DPP10: variants seen among roughly 807,000 people sequenced by gnomAD.
DPP10 encodes inactive dipeptidyl peptidase 10.
DPP10 carries 33 observed loss-of-function variants against 120.9 expected under a neutral mutation model. The ratio of observed to expected loss-of-function variants is 0.27; its 90% CI spans 0.21 to 0.37. The LOEUF is 0.37. Ranked by LOEUF, DPP10 falls within the 10% of genes least tolerant of loss-of-function variation. DPP10 has a pLI of 1.00. For missense variants in DPP10, 816 were observed against 942.8 expected, an observed-to-expected ratio of 0.87 and a Z score of 1.76; for synonymous variants, 337 against 326.1, an observed-to-expected ratio of 1.03 and a Z score of -0.36.
chr2:115,023,128 A>G (rs917335855), intron 1 of DPP10, among the ~76,000 whole-genome samples: 1 of 152,186 alleles, frequency 6.6e-6, no homozygotes, highest in Non-Finnish European at 1.5e-5. Context: ...AGCAAATACA[A>G]CAAAAACAAA....
chr2:115,351,764 T>C (rs922467218), intron 3 of DPP10, among the ~76,000 whole-genome samples: 1 of 152,200 alleles, frequency 6.6e-6, no homozygotes, highest in Admixed American at 6.6e-5. Context: ...CCATGAAGCA[T>C]ATTTACTTCT....
At chr2:115,778,351 G>A (rs1211318358) in intron 15 of DPP10, among the ~76,000 whole-genome samples, 1 of 152,000 alleles carries the variant, frequency 6.6e-6, no homozygotes, top group African/African-American at 2.4e-5. Context: ...AATAAGGAAC[G>A]CTCATTGCTT....
At chr2:114,460,900 ATTGT>A (rs1413361637) in intron 1 of DPP10, among the ~76,000 whole-genome samples, 1 of 152,170 alleles carries the variant, frequency 6.6e-6, no homozygotes, top group Non-Finnish European at 1.5e-5. Flanking sequence ...TTGTGATATA[ATTGT>A]TTGTAGATGA....
intron 1 of DPP10, among the ~76,000 whole-genome samples, chr2:115,186,010 C>T (rs1306146437): frequency 1.3e-5 from 2 of 152,200 alleles, no homozygotes; most frequent in African/African-American, 2.4e-5. Flanking sequence ...TAAATACACC[C>T]CACATTGTTG....
At chr2:115,689,596 C>T (rs139562231) in intron 5 of DPP10, 91 bp from the exon 6 acceptor site, 1 of 876,282 alleles carries the variant, frequency 1.1e-6, no homozygotes. Flanking sequence ...AACACCAATT[C>T]TTGGATTACC....
chr2:114,590,586 T>C (rs745625572), intron 1 of DPP10, among the ~76,000 whole-genome samples: 17 of 152,234 alleles, frequency 1.1e-4, no homozygotes, highest in Non-Finnish European at 2.1e-4. Flanking sequence ...TTCTGCTTTG[T>C]AATGTTTGTC....
At chr2:114,687,441 T>A (rs76567596) in intron 1 of DPP10, among the ~76,000 whole-genome samples, 2,350 of 152,090 alleles carry the variant, frequency 0.015, 53 homozygotes, top group African/African-American at 0.052. Context: ...CTAATTTGGA[T>A]GTTTTTATGT....
chr2:115,820,799 A>ATGTG (rs869085100), intron 21 of DPP10, among the ~76,000 whole-genome samples: 15,654 of 105,010 alleles, frequency 0.15, 952 homozygotes, highest in Non-Finnish European at 0.18. Context: ...TCCATGGTGT[A>ATGTG]TGTGTGTGTG....
chr2:115,240,433 C>T (rs2058219884), intron 1 of DPP10, among the ~76,000 whole-genome samples: 1 of 152,080 alleles, frequency 6.6e-6, no homozygotes, highest in Non-Finnish European at 1.5e-5. Context: ...ATCCTTTGAC[C>T]ACTTTTTGAT....
At chr2:114,952,694 A>G (rs1697884606) in intron 1 of DPP10, among the ~76,000 whole-genome samples, 1 of 152,224 alleles carries the variant, frequency 6.6e-6, no homozygotes, top group South Asian at 2.1e-4. Context: ...TGTGAATACA[A>G]CATGTGTTGG....
chr2:115,142,145 A>T (rs1363415386), intron 1 of DPP10, among the ~76,000 whole-genome samples: 2 of 152,146 alleles, frequency 1.3e-5, no homozygotes, highest in African/African-American at 4.8e-5. Flanking sequence ...TATTTTATAT[A>T]TATAGACAGC....
chr2:115,174,407 G>C (rs180880817), intron 1 of DPP10, among the ~76,000 whole-genome samples: 75 of 152,304 alleles, frequency 4.9e-4, no homozygotes, highest in Admixed American at 1.2e-3. Flanking sequence ...GATTTATATA[G>C]TCTGAAAAGG....
intron 1 of DPP10, among the ~76,000 whole-genome samples, chr2:114,460,737 T>G (rs550663912): frequency 6.6e-6 from 1 of 152,210 alleles, no homozygotes; most frequent in South Asian, 2.1e-4. Context: ...AAGAGGCATA[T>G]TTTTCAATAG....
In DPP10 at chr2:114,825,872, A is replaced by G. The variant is rs371096330; in HGVS notation, c.60+383034A>G. ...AACTGTAAGGTTGTGATCAGCTTCT[A>G]CTGGTGAGGGAGAGAGATGATTAAT... On this transcript the variant is annotated intron_variant, in intron 1 of 25. Coordinates refer to ENST00000410059, the MANE Select transcript of DPP10 (RefSeq NM_020868.6). Among the ~76,000 whole-genome samples, 118 of 152,326 alleles carry G rather than the reference A, an allele frequency of 7.7e-4. 1 individual carries two copies. In the South Asian group the frequency reaches 0.024, roughly 31 times the overall value.
chr2:115,038,301 C>T (rs1168368648), intron 1 of DPP10, among the ~76,000 whole-genome samples: 7 of 151,638 alleles, frequency 4.6e-5, no homozygotes, highest in African/African-American at 7.3e-5. Flanking sequence ...GATGGAGTCT[C>T]GCTCTGTTGC....
chr2:114,937,710 C>G (rs1280099624), intron 1 of DPP10, among the ~76,000 whole-genome samples: 1 of 152,126 alleles, frequency 6.6e-6, no homozygotes, highest in Admixed American at 6.6e-5. Context: ...TGGGCTGGTT[C>G]ACCTTTTATG....
At chr2:115,676,755 G>T (rs1272127345) in intron 5 of DPP10, among the ~76,000 whole-genome samples, 4 of 152,044 alleles carry the variant, frequency 2.6e-5, no homozygotes, top group African/African-American at 9.7e-5. Flanking sequence ...CAGAGAAGAA[G>T]AAAAACATAG....
intron 1 of DPP10, among the ~76,000 whole-genome samples, chr2:114,936,545 A>T (rs750870910): frequency 6.6e-6 from 1 of 152,086 alleles, no homozygotes; most frequent in Non-Finnish European, 1.5e-5. Context: ...TTGTGTTGCT[A>T]TAAACATGCA....
intron 5 of DPP10, among the ~76,000 whole-genome samples, chr2:115,681,785 TTTCTTTCTCTTCCTTC>T (rs1266612853): frequency 2.8e-5 from 2 of 71,774 alleles, no homozygotes; most frequent in Non-Finnish European, 7.7e-5. Flanking sequence ...TCTTTCTTTC[TTTCTTTCTCTTCCTTC>T]CTTCCTTCCT....
Sources: gnomAD v4.1 joint callset for allele counts (sites outside exome capture counted in the v4.1 genomes callset) on GRCh38, gnomAD v4.1.1 for gene constraint, MANE v1.5 for transcripts, NCBI Gene and HGNC (gene_info 2026-07-23, HGNC 2026-07-21) for gene names.